The following KIAA0319L variants were observed in gnomAD, a reference collection of about 807,000 sequenced individuals.
KIAA0319L encodes the protein dyslexia-associated protein KIAA0319-like protein.
A neutral mutation model predicts 120.1 loss-of-function variants in KIAA0319L; 55 were observed. The ratio of observed to expected loss-of-function variants is 0.46; its 90% CI spans 0.37 to 0.57. KIAA0319L has a LOEUF of 0.57. KIAA0319L is among the 20% of genes least tolerant of loss of function. The pLI is 0.00. For missense variants in KIAA0319L, 1,049 were observed against 1,255.3 expected (o/e 0.84, Z 2.48); for synonymous variants, 398 against 471.9 (o/e 0.84, Z 2.03).
At chr1:35,458,454 C>T (rs1456341176) in intron 9 of KIAA0319L, among the ~76,000 whole-genome samples, 1 of 152,046 alleles carries the variant, frequency 6.6e-6, no homozygotes, top group Non-Finnish European at 1.5e-5. Context: ...GAATTACAAC[C>T]TTAATGCTAA....
At chr1:35,443,329 T>C (rs537453581) in intron 17 of KIAA0319L, 1 of 297,484 alleles carries the variant, frequency 3.4e-6, no homozygotes, top group South Asian at 5.8e-5. Context: ...ATAAAATACC[T>C]ATAGTACTTC....
rs1642247020 is a variant in KIAA0319L, at chr1:35,453,903, A to G, written c.1781-214T>C. ...AATTCTGACAGAAACATAGAACATA[A>G]TGAAGTTATAATGCCATACTAAACT... On this transcript the variant is annotated intron_variant, in intron 11 of 20. Coordinates refer to ENST00000325722, the MANE Select transcript of KIAA0319L (RefSeq NM_024874.5). This position sits in a 1 kb window ranked among gnomAD's most constrained non-coding sequence, Gnocchi z 4.1. Among the ~76,000 whole-genome samples the G allele has an allele frequency of 6.6e-6, 1 of 152,186 alleles. No individual in the cohort carries two copies. Among genetic ancestry groups the G allele is most frequent in the South Asian group, 2.1e-4 (1 of 4,832 alleles).
rs573351038 is a variant in KIAA0319L at position 35,466,631 on chromosome 1, T to G, written c.1178A>C (p.Tyr393Ser). The stretch of plus-strand genomic sequence containing the variant: ...ACCTGGCTTGACTGTCACGTTCACA[T>G]AGCCTTCCCCATGGGCATTTTGACC... The part of the protein sequence containing the change: ...VEGQNAHGEG[Y>S]VNVTVKPEPR... Residue 393 changes from tyrosine to serine, a missense_variant, in exon 7 of 21, where the codon TAT becomes TCT. Tyr to Ser is a moderately radical substitution (Grantham distance 144). Transcript: ENST00000325722. 1 of 1,613,536 alleles carries G rather than the reference T, an allele frequency of 6.2e-7. No homozygotes were observed. Among genetic ancestry groups the G allele is most frequent in the African/African-American group, 1.3e-5 (1 of 75,040 alleles).
chr1:35,496,947 CA>C (rs754043280), intron 3 of KIAA0319L, among the ~76,000 whole-genome samples: 268 of 50,234 alleles, frequency 5.3e-3, no homozygotes, highest in Non-Finnish European at 9.0e-3. Flanking sequence ...ATTGTGTCTC[CA>C]AAAAAAAAAA....
chr1:35,503,191 G>GA (rs1264134778), intron 3 of KIAA0319L, among the ~76,000 whole-genome samples: 7 of 152,006 alleles, frequency 4.6e-5, no homozygotes, highest in African/African-American at 1.7e-4. Context: ...TCACACTTAA[G>GA]AAAAAACAAG....
intron 2 of KIAA0319L, among the ~76,000 whole-genome samples, chr1:35,523,603 G>A (rs1004663469): frequency 1.3e-5 from 2 of 152,204 alleles, no homozygotes; most frequent in African/African-American, 4.8e-5. Context: ...GTTGGTAGAT[G>A]AGTAATGATT....
At chr1:35,556,086 ACT>A (rs766651048) in intron 1 of KIAA0319L, among the ~76,000 whole-genome samples, 1 of 152,252 alleles carries the variant, frequency 6.6e-6, no homozygotes, top group Non-Finnish European at 1.5e-5. Flanking sequence ...ATAGTTTGTT[ACT>A]GAATCAAAGG....
Position 35,448,256 on chromosome 1 carries a change from C to T in KIAA0319L, c.2430G>A (p.Met810Ile), listed in dbSNP as rs1488728923. 6.2e-7 allele frequency: 1 copy of T among 1,614,104 alleles called. No individual in the cohort carries two copies. Among genetic ancestry groups the T allele is most frequent in the Admixed American group, 1.7e-5 (1 of 60,016 alleles). Residue 810 changes from methionine to isoleucine, a missense_variant, in exon 16 of 21, where the codon ATG becomes ATA. Met to Ile is a conservative substitution (Grantham distance 10, BLOSUM62 1). Transcript: ENST00000325722. Reference protein sequence around the residue: ...VSQLTERLKGMFIRQIGVLLG... With the variant: ...VSQLTERLKGIFIRQIGVLLG... ...GGAGGACCCCAATCTGGCGGATGAA[C>T]ATCCCCTTCAGCCTCTCAGTTAGCT...
chr1:35,538,881 A>C (rs1646684626), intron 2 of KIAA0319L, among the ~76,000 whole-genome samples: 2 of 151,898 alleles, frequency 1.3e-5, no homozygotes, highest in Non-Finnish European at 2.9e-5. Flanking sequence ...ACAGAAATGA[A>C]AATATGGGCA....
chr1:35,547,082 G>T (rs889494705), intron 2 of KIAA0319L, among the ~76,000 whole-genome samples: 2 of 142,096 alleles, frequency 1.4e-5, no homozygotes, highest in African/African-American at 5.1e-5. Flanking sequence ...GGAATTGCTG[G>T]ATCATATATA....
At chr1:35,452,846 C>G (rs1466139590) in intron 12 of KIAA0319L, among the ~76,000 whole-genome samples, 1 of 151,986 alleles carries the variant, frequency 6.6e-6, no homozygotes, top group Admixed American at 6.6e-5. Flanking sequence ...AACAAACAAA[C>G]AAACAAACAA....
At chr1:35,529,427 T>C (rs1646277820) in intron 2 of KIAA0319L, among the ~76,000 whole-genome samples, 1 of 152,248 alleles carries the variant, frequency 6.6e-6, no homozygotes, top group Non-Finnish European at 1.5e-5. Context: ...CGAGTTTTCA[T>C]GATGGTAGAT....
chr1:35,441,608 T>C (rs914134639), intron 19 of KIAA0319L, among the ~76,000 whole-genome samples: 1 of 152,198 alleles, frequency 6.6e-6, no homozygotes, highest in Non-Finnish European at 1.5e-5. Context: ...GTACCTTTCC[T>C]GAGCCTAAGT....
chr1:35,460,030 TA>T (rs1003155600), intron 9 of KIAA0319L, among the ~76,000 whole-genome samples: 2 of 152,070 alleles, frequency 1.3e-5, no homozygotes, highest in Admixed American at 6.5e-5. Context: ...ACAGAAATCC[TA>T]AAAAAAATTT....
chr1:35,527,157 T>C (rs553060864), intron 2 of KIAA0319L, among the ~76,000 whole-genome samples: 1 of 149,102 alleles, frequency 6.7e-6, no homozygotes, highest in South Asian at 2.1e-4. Flanking sequence ...TCACACGGTT[T>C]TTGTCCTCCA....
chr1:35,454,330 A>G (rs768235499), intron 11 of KIAA0319L, 32 bp downstream of exon 11: 1 of 1,611,438 alleles, frequency 6.2e-7, no homozygotes, highest in East Asian at 2.2e-5. Flanking sequence ...ACCCACCAAT[A>G]GAAGAGCCTG....
At position 35,434,844 on chromosome 1, in the gene KIAA0319L, A is replaced by G. The variant is rs1228337047; in HGVS notation, c.*50T>C. ...GCCCGCAGACTCGGGAGGTAGGAGG[A>G]CTGGCCGGGCAGTGTGCTGGGCCCT... is the stretch of plus-strand genomic sequence containing the variant. On this transcript the variant is annotated 3_prime_UTR_variant, in exon 21 of 21. Transcript: ENST00000325722. The G allele has an allele frequency of 1.7e-5, 26 of 1,518,714 alleles. No individual in the cohort carries two copies. Among genetic ancestry groups the G allele is most frequent in the Non-Finnish European group, 2.3e-5 (26 of 1,115,922 alleles). The allele number at this position is 1,518,714 out of a possible 1,614,324, so 94.1% of individuals were successfully genotyped here.
At chr1:35,450,775 C>T (rs900858277) in intron 13 of KIAA0319L, among the ~76,000 whole-genome samples, 1 of 152,170 alleles carries the variant, frequency 6.6e-6, no homozygotes, top group African/African-American at 2.4e-5. Context: ...TCCCAGCAGC[C>T]TTCCCAAATG....
chr1:35,457,085 T>A (rs1291594899), intron 9 of KIAA0319L, among the ~76,000 whole-genome samples: 2 of 152,162 alleles, frequency 1.3e-5, no homozygotes, highest in African/African-American at 2.4e-5. Context: ...GAGGTCTCTA[T>A]AAGAATTGTC....
Sources: gnomAD v4.1 joint callset for allele counts (sites outside exome capture counted in the v4.1 genomes callset) on GRCh38, gnomAD v4.1.1 for gene constraint, Gnocchi (gnomAD v3.1) non-coding constraint, MANE v1.5 for transcripts, NCBI Gene and HGNC (gene_info 2026-07-23, HGNC 2026-07-21) for gene names.